Variants in GPR39 observed in about 807,000 individuals in gnomAD.
The protein encoded by GPR39 is zinc sensing receptor.
GPR39 carries 23 observed loss-of-function variants against 18.4 expected under a neutral mutation model. The ratio of observed to expected loss-of-function variants is 1.25; its 90% confidence interval spans 0.90 to 1.77. The LOEUF (loss-of-function observed/expected upper bound fraction) is 1.77, where lower values mean the gene tolerates loss of function less well. GPR39 is among the 40% of genes most tolerant of loss of function. The pLI, the probability that GPR39 is intolerant of heterozygous loss-of-function variation, is 0.00. For missense variants in GPR39, 647 were observed against 602.4 expected (o/e 1.07, Z -0.78); for synonymous variants, 280 against 257.9 (o/e 1.09, Z -0.82).
chr2:132,534,731 T>C (rs7368541), intron 1 of GPR39, among the ~76,000 whole-genome samples: 151,248 of 151,264 alleles, frequency 1, 75,616 homozygotes, highest in Middle Eastern at 1. Context: ...CAGCAAACTA[T>C]CGCAAGGACA....
chr2:132,563,279 G>A (rs1680287268), intron 1 of GPR39, among the ~76,000 whole-genome samples: 1 of 152,232 alleles, frequency 6.6e-6, no homozygotes, highest in Non-Finnish European at 1.5e-5. Flanking sequence ...ATCAGCCACA[G>A]TATTCTTTCA....
At chr2:132,465,464 G>A (rs1302750565) in intron 1 of GPR39, among the ~76,000 whole-genome samples, 1 of 152,212 alleles carries the variant, frequency 6.6e-6, no homozygotes, top group Non-Finnish European at 1.5e-5. Flanking sequence ...CAATGAAACT[G>A]TCTGTGAGTG....
intron 1 of GPR39, among the ~76,000 whole-genome samples, chr2:132,624,603 G>A (rs1681508788): frequency 6.6e-6 from 1 of 152,110 alleles, no homozygotes; most frequent in South Asian, 2.1e-4. Flanking sequence ...TCCCTCTCAG[G>A]TAACCATCAT....
At chr2:132,598,926 G>T (rs1204786978) in intron 1 of GPR39, among the ~76,000 whole-genome samples, 3 of 152,054 alleles carry the variant, frequency 2.0e-5, no homozygotes, top group Non-Finnish European at 4.4e-5. Context: ...GCACGAGAAA[G>T]AAAGGGATGA....
chr2:132,478,637 C>T (rs1681174945), intron 1 of GPR39, among the ~76,000 whole-genome samples: 1 of 152,208 alleles, frequency 6.6e-6, no homozygotes, highest in Non-Finnish European at 1.5e-5. Context: ...TGACATCTTC[C>T]AGTAAATCTA....
intron 1 of GPR39, among the ~76,000 whole-genome samples, chr2:132,605,714 G>A (rs1471491875): frequency 6.6e-6 from 1 of 152,140 alleles, no homozygotes; most frequent in Non-Finnish European, 1.5e-5. Context: ...ATCCAGCAGT[G>A]CCTTGCTCCC....
intron 1 of GPR39, among the ~76,000 whole-genome samples, chr2:132,518,856 A>T (rs1348421760): frequency 6.6e-6 from 1 of 152,220 alleles, no homozygotes; most frequent in East Asian, 1.9e-4. Flanking sequence ...AGTCTTCAAA[A>T]TCCAGCGTGT....
intron 1 of GPR39, among the ~76,000 whole-genome samples, chr2:132,572,384 A>G (rs1168734441): frequency 6.6e-6 from 1 of 152,030 alleles, no homozygotes; most frequent in Non-Finnish European, 1.5e-5. Flanking sequence ...AGTGCATCTG[A>G]GCAGAGCATC....
At chr2:132,493,519 T>C (rs1023242219) in intron 1 of GPR39, among the ~76,000 whole-genome samples, 1 of 140,428 alleles carries the variant, frequency 7.1e-6, no homozygotes, top group Non-Finnish European at 1.5e-5. Context: ...TATATATATA[T>C]ATATATATAC....
intron 1 of GPR39, among the ~76,000 whole-genome samples, chr2:132,573,128 A>C (rs1407617708): frequency 6.8e-6 from 1 of 146,658 alleles, no homozygotes; most frequent in Non-Finnish European, 1.5e-5. Flanking sequence ...TCTTGTCCTT[A>C]CTTACCCTTC....
chr2:132,589,285 C>T (rs1258374847), intron 1 of GPR39, among the ~76,000 whole-genome samples: 2 of 152,184 alleles, frequency 1.3e-5, no homozygotes, highest in Admixed American at 6.5e-5. Context: ...TCCTCCACAT[C>T]GGCTGCCGAG....
At chr2:132,418,409 A>C in intron 1 of GPR39, 1 of 153,644 alleles carries the variant, frequency 6.5e-6, no homozygotes, top group Admixed American at 6.4e-5. Context: ...AGCGACACAC[A>C]CTCTCGGGCT....
intron 1 of GPR39, among the ~76,000 whole-genome samples, chr2:132,597,679 C>CAATATATGTATAATA (rs1680970273): frequency 6.6e-6 from 1 of 152,170 alleles, no homozygotes; most frequent in Non-Finnish European, 1.5e-5. Flanking sequence ...GGCATGTAGT[C>CAATATATGTATAATA]TCACCATTGT....
intron 1 of GPR39, among the ~76,000 whole-genome samples, chr2:132,622,420 C>G (rs1681459277): frequency 6.6e-6 from 1 of 151,996 alleles, no homozygotes; most frequent in Non-Finnish European, 1.5e-5. Flanking sequence ...AAAAATCTAC[C>G]AAAATATCTA....
At chr2:132,600,552 A>G (rs1681022043) in intron 1 of GPR39, among the ~76,000 whole-genome samples, 1 of 152,180 alleles carries the variant, frequency 6.6e-6, no homozygotes, top group South Asian at 2.1e-4. Context: ...CAGAAATACA[A>G]GGGATCATTA....
intron 1 of GPR39, among the ~76,000 whole-genome samples, chr2:132,419,860 C>T (rs1454054317): frequency 6.6e-6 from 1 of 152,124 alleles, no homozygotes; most frequent in African/African-American, 2.4e-5. Flanking sequence ...TGCCTTTGAC[C>T]AAAGGGAAAA....
intron 1 of GPR39, among the ~76,000 whole-genome samples, chr2:132,457,991 G>C (rs1680762975): frequency 6.6e-6 from 1 of 152,246 alleles, no homozygotes; most frequent in Non-Finnish European, 1.5e-5. Flanking sequence ...CTTGGGAAAA[G>C]CACAGTATTT....
chr2:132,558,556 G>T (rs924375496), intron 1 of GPR39, among the ~76,000 whole-genome samples: 4 of 152,178 alleles, frequency 2.6e-5, no homozygotes, highest in Admixed American at 2.6e-4. Context: ...TGAGCTGGGG[G>T]CACCGGGAAG....
At chr2:132,471,652 GT>G (rs60886637) in intron 1 of GPR39, among the ~76,000 whole-genome samples, 10,405 of 138,396 alleles carry the variant, frequency 0.075, 1,198 homozygotes, top group African/African-American at 0.26. Flanking sequence ...CCAGCAAGGA[GT>G]TTTTTTTTTT....
Sources: gnomAD v4.1 joint callset for allele counts (sites outside exome capture counted in the v4.1 genomes callset) on GRCh38, gnomAD v4.1.1 for gene constraint, MANE v1.5 for transcripts, NCBI Gene and HGNC (gene_info 2026-07-23, HGNC 2026-07-21) for gene names.